Variants in PAQR9 observed in about 807,000 individuals in gnomAD.
PAQR9 encodes the protein progestin and adipoQ receptor family member 9.
A neutral mutation model predicts 24.0 loss-of-function variants in PAQR9; 12 were observed. That is an observed-to-expected ratio of 0.50 (90% confidence interval 0.32 to 0.81). The LOEUF is 0.81. Ranked by LOEUF, PAQR9 falls within the 30% of genes least tolerant of loss-of-function variation. PAQR9 has a pLI of 0.03. For synonymous variants in PAQR9, 266 were observed against 237.6 expected (o/e 1.12, Z -1.10); for missense variants, 418 against 520.8 (o/e 0.80, Z 1.92).
chr3:142,954,565 A>G (rs1300464299), downstream of PAQR9, among the ~76,000 whole-genome samples: 1 of 152,244 alleles, frequency 6.6e-6, no homozygotes, highest in African/African-American at 2.4e-5. Flanking sequence ...ACATGCACAG[A>G]TGTGTACGAT....
chr3:142,963,861 C>T, upstream of PAQR9: 17 of 985,292 alleles, frequency 1.7e-5, no homozygotes, highest in Non-Finnish European at 2.0e-5. Flanking sequence ...CCATCCCCCT[C>T]CTCGGGCCGC....
Position 142,958,893 on chromosome 3 carries a change from G to A in PAQR9, c.*3310C>T, listed in dbSNP as rs1480804043. On this transcript the variant is annotated 3_prime_UTR_variant, in exon 1 of 1. Coordinates refer to ENST00000340634, the MANE Select transcript of PAQR9 (RefSeq NM_198504.4). The stretch of plus-strand genomic sequence containing the variant: ...GTCATCCTCTTCACCTGAGCTGCAA[G>A]AACGGCAGGGAAGAAAGGAACCCCA... Among the ~76,000 whole-genome samples the A allele has an allele frequency of 6.6e-6, 1 of 152,156 alleles. No individual in the cohort carries two copies. Among genetic ancestry groups the A allele is most frequent in the African/African-American group, 2.4e-5 (1 of 41,422 alleles).
At chr3:142,951,209 C>T (rs1389011655), downstream of PAQR9, among the ~76,000 whole-genome samples, 2 of 152,158 alleles carry the variant, frequency 1.3e-5, no homozygotes, top group Non-Finnish European at 2.9e-5. Flanking sequence ...AACCACTGAA[C>T]CAAGCCTGGA....
chr3:142,955,037 C>T lies in PAQR9; in HGVS notation c.*7166G>A, dbSNP rs1934770094. ...TTTGTGCGCGCATCATTTTTACTCC[C>T]TTCTTTCTCCGTCATCACCCTTAAA... is the stretch of plus-strand genomic sequence containing the variant. On this transcript the variant is annotated 3_prime_UTR_variant, in exon 1 of 1. Coordinates refer to ENST00000340634, the MANE Select transcript of PAQR9 (RefSeq NM_198504.4). Among the ~76,000 whole-genome samples the T allele has an allele frequency of 6.6e-6, 1 of 152,084 alleles. No homozygotes were observed. Among genetic ancestry groups the T allele is most frequent in the Admixed American group, 6.5e-5 (1 of 15,270 alleles).
Position 142,956,418 on chromosome 3 carries a change from C to G in PAQR9, c.*5785G>C, listed in dbSNP as rs1361275330. 1.3e-5 allele frequency among the ~76,000 whole-genome samples: 2 copies of G among 152,168 alleles called. No individual in the cohort carries two copies. Among genetic ancestry groups the G allele is most frequent in the East Asian group, 3.8e-4 (2 of 5,198 alleles). On this transcript the variant is annotated 3_prime_UTR_variant, in exon 1 of 1. Transcript: ENST00000340634. ...ACATTGGAGAATAATTTTGCACATT[C>G]AAGAAATTTTCCTTGAGAAATGCCA...
At position 142,957,217 on chromosome 3, in the gene PAQR9, A is replaced by G. The variant is rs1162153257; in HGVS notation, c.*4986T>C. Among the ~76,000 whole-genome samples the G allele has an allele frequency of 4.6e-5, 7 of 152,218 alleles. No homozygotes were observed. The highest frequency in any genetic ancestry group is 9.7e-5 in the African/African-American group (4 of 41,446). On this transcript the variant is annotated 3_prime_UTR_variant, in exon 1 of 1. Coordinates refer to ENST00000340634, the MANE Select transcript of PAQR9 (RefSeq NM_198504.4). ...GACACTCGTGCTCAGGTCAAACGCT[A>G]CAAGATGTGGTTAAGCTGACAAACA...
rs1934838555 is a variant in PAQR9, at chr3:142,958,914, C to T, written c.*3289G>A. On this transcript the variant is annotated 3_prime_UTR_variant, in exon 1 of 1. Coordinates refer to ENST00000340634, the MANE Select transcript of PAQR9 (RefSeq NM_198504.4). ...GCAAGAACGGCAGGGAAGAAAGGAA[C>T]CCCATTAGCCAACTAAGTCAGTCTG... Among the ~76,000 whole-genome samples, 1 of 152,172 alleles carries T rather than the reference C, an allele frequency of 6.6e-6. No individual in the cohort carries two copies.
At position 142,959,316 on chromosome 3, in the gene PAQR9, A is replaced by G. The variant is rs1187646109; in HGVS notation, c.*2887T>C. Among the ~76,000 whole-genome samples, 1 of 152,228 alleles carries G rather than the reference A, an allele frequency of 6.6e-6. No individual in the cohort carries two copies. Among genetic ancestry groups the G allele is most frequent in the Non-Finnish European group, 1.5e-5 (1 of 68,046 alleles). On this transcript the variant is annotated 3_prime_UTR_variant, in exon 1 of 1. Coordinates refer to ENST00000340634, the MANE Select transcript of PAQR9 (RefSeq NM_198504.4). ...CCGTGCAAATGGGGAGATTCAAAGT[A>G]AATATTCACTTCTAAAACATCAAGA...
Position 142,961,155 on chromosome 3 carries a change from T to A in PAQR9, c.*1048A>T, listed in dbSNP as rs1036170553. The stretch of plus-strand genomic sequence containing the variant: ...GCCCTCCTGGATGGACCATGAAACC[T>A]TGATTTTCAGTCAGGTAAGAAAAGC... On this transcript the variant is annotated 3_prime_UTR_variant, in exon 1 of 1. Transcript: ENST00000340634. 6.6e-6 allele frequency: 1 copy of A among 152,646 alleles called. No homozygotes were observed. The highest frequency in any genetic ancestry group is 1.5e-5 in the Non-Finnish European group (1 of 68,046). 9.5% of individuals were successfully genotyped at this position (152,646 alleles called of 1,614,324 possible). A position where few individuals can be genotyped will look rare whatever the true frequency, so the allele number is the denominator to read the frequency against.
rs906716092 is a variant in PAQR9, at chr3:142,959,601, CA to C, written c.*2601del. ...ATACTGGGTGCTGAAACCTGTGTGG[CA>C]AAAAGTGTGTCATCTCACTGTACTC... is the stretch of plus-strand genomic sequence containing the variant. On this transcript the variant is annotated 3_prime_UTR_variant, in exon 1 of 1. Coordinates refer to ENST00000340634, the MANE Select transcript of PAQR9 (RefSeq NM_198504.4). Among the ~76,000 whole-genome samples the C allele has an allele frequency of 6.6e-6, 1 of 152,102 alleles. No individual in the cohort carries two copies. The highest frequency in any genetic ancestry group is 1.5e-5 in the Non-Finnish European group (1 of 68,016).
downstream of PAQR9, among the ~76,000 whole-genome samples, chr3:142,954,070 G>T (rs2108238677): frequency 6.6e-6 from 1 of 152,260 alleles, no homozygotes; most frequent in South Asian, 2.1e-4. Flanking sequence ...TCCTTCATGA[G>T]AGTTTTCTGT....
At position 142,957,479 on chromosome 3, in the gene PAQR9, C is replaced by T. The variant is rs573245276; in HGVS notation, c.*4724G>A. 6.6e-6 allele frequency among the ~76,000 whole-genome samples: 1 copy of T among 152,262 alleles called. No individual in the cohort carries two copies. Among genetic ancestry groups the T allele is most frequent in the East Asian group, 1.9e-4 (1 of 5,192 alleles). ...TTTCTAAGACATGTTTCATAAGTTA[C>T]AACACAAAGATCCTAAAAGGCTAGA... On this transcript the variant is annotated 3_prime_UTR_variant, in exon 1 of 1. Transcript: ENST00000340634.
rs892177304 is a variant in PAQR9, at chr3:142,958,402, A to C, written c.*3801T>G. ...ACAATGGTCTCCGCATTCTAATGCC[A>C]GTTTGAAAACTTAATCCTGTCACCT... On this transcript the variant is annotated 3_prime_UTR_variant, in exon 1 of 1. Coordinates refer to ENST00000340634, the MANE Select transcript of PAQR9 (RefSeq NM_198504.4). Among the ~76,000 whole-genome samples, 1 of 152,242 alleles carries C rather than the reference A, an allele frequency of 6.6e-6. No homozygotes were observed. Among genetic ancestry groups the C allele is most frequent in the African/African-American group, 2.4e-5 (1 of 41,466 alleles).
chr3:142,962,185 C>T lies in PAQR9; in HGVS notation c.*18G>A. The T allele has an allele frequency of 6.2e-7, 1 of 1,607,654 alleles. No individual in the cohort carries two copies. The highest frequency in any genetic ancestry group is 2.2e-5 in the East Asian group (1 of 44,862). ...CCAAACAGATGGGCGAACCAGTAGT[C>T]TCCTCCAAGGCGGAGGCTCACTTTT... On this transcript the variant is annotated 3_prime_UTR_variant, in exon 1 of 1. Coordinates refer to ENST00000340634, the MANE Select transcript of PAQR9 (RefSeq NM_198504.4).
In PAQR9 at chr3:142,958,521, G is replaced by C. The variant is rs1482671717; in HGVS notation, c.*3682C>G. ...CAGATTAACTAATTAAAGTTATGAA[G>C]AGATTTAAAGATAAAAATTCCTGTT... On this transcript the variant is annotated 3_prime_UTR_variant, in exon 1 of 1. Coordinates refer to ENST00000340634, the MANE Select transcript of PAQR9 (RefSeq NM_198504.4). 6.6e-6 allele frequency among the ~76,000 whole-genome samples: 1 copy of C among 152,138 alleles called. No homozygotes were observed. Among genetic ancestry groups the C allele is most frequent in the East Asian group, 1.9e-4 (1 of 5,200 alleles).
Position 142,962,099 on chromosome 3 carries a change from G to A in PAQR9, c.*104C>T. ...CCTATGGTTTTGCAGCACCTTCCTT[G>A]AGCAAAGAAGAAAACACAATGAAAT... On this transcript the variant is annotated 3_prime_UTR_variant, in exon 1 of 1. Coordinates refer to ENST00000340634, the MANE Select transcript of PAQR9 (RefSeq NM_198504.4). 1 of 1,343,634 alleles carries A rather than the reference G, an allele frequency of 7.4e-7. No homozygotes were observed. The highest frequency in any genetic ancestry group is 1.0e-6 in the Non-Finnish European group (1 of 973,322). The allele number at this position is 1,343,634 out of a possible 1,614,324, so 83.2% of individuals were successfully genotyped here. A position where few individuals can be genotyped will look rare whatever the true frequency, so the allele number is the denominator to read the frequency against.
chr3:142,952,053 G>A (rs951594959), downstream of PAQR9, among the ~76,000 whole-genome samples: 1 of 149,358 alleles, frequency 6.7e-6, no homozygotes, highest in Non-Finnish European at 1.5e-5. Context: ...AAGAAGGGGG[G>A]GGGGTGTTGT....
At chr3:142,954,467 G>A (rs781696463), downstream of PAQR9, among the ~76,000 whole-genome samples, 1 of 152,152 alleles carries the variant, frequency 6.6e-6, no homozygotes, top group Non-Finnish European at 1.5e-5. Context: ...TATGAAAAGG[G>A]TAATGTTTTT....
chr3:142,961,870 G>A lies in PAQR9; in HGVS notation c.*333C>T. 1 of 325,682 alleles carries A rather than the reference G, an allele frequency of 3.1e-6. No homozygotes were observed. Among genetic ancestry groups the A allele is most frequent in the Non-Finnish European group, 5.8e-6 (1 of 172,966 alleles). The allele number at this position is 325,682 out of a possible 1,614,324, so 20.2% of individuals were successfully genotyped here. A position where few individuals can be genotyped will look rare whatever the true frequency, so the allele number is the denominator to read the frequency against. ...ACTCCTTATTACCAATGGCACAGATGATTGGAAAAGCAAACTCTTTGGGGC... is the reference window on the plus strand; with the variant it reads ...ACTCCTTATTACCAATGGCACAGATAATTGGAAAAGCAAACTCTTTGGGGC... On this transcript the variant is annotated 3_prime_UTR_variant, in exon 1 of 1. Transcript: ENST00000340634.
Sources: gnomAD v4.1 joint callset for allele counts (sites outside exome capture counted in the v4.1 genomes callset) on GRCh38, gnomAD v4.1.1 for gene constraint, MANE v1.5 for transcripts, NCBI Gene and HGNC (gene_info 2026-07-23, HGNC 2026-07-21) for gene names.